Variants in LIMD2 observed in about 807,000 individuals in gnomAD.
LIMD2 encodes LIM domain-containing protein 2.
In LIMD2, 11 loss-of-function variants were observed where a neutral mutation model predicts 16.0. The ratio of observed to expected loss-of-function variants is 0.69; its 90% CI spans 0.43 to 1.14. The LOEUF is 1.14. LIMD2 is among the 50% of genes most tolerant of loss of function. The pLI, the probability that LIMD2 is intolerant of heterozygous loss-of-function variation, is 0.00. For synonymous variants in LIMD2, 60 were observed against 67.1 expected (o/e 0.89, Z 0.52); for missense variants, 168 against 165.8 (o/e 1.01, Z -0.07).
chr17:63,700,267 T>G, upstream of LIMD2: 1 of 551,626 alleles, frequency 1.8e-6, no homozygotes, highest in Non-Finnish European at 2.3e-6. The surrounding 1 kb of genome is among the most constrained non-coding windows in gnomAD (Gnocchi z 7.1). Flanking sequence ...GCGCTTTGTC[T>G]TCCCCTCGCC....
At chr17:63,699,804 T>G in intron 1 of LIMD2, 9 of 210,544 alleles carry the variant, frequency 4.3e-5, no homozygotes, top group Non-Finnish European at 5.3e-5. Flanking sequence ...GCCCCCGACC[T>G]GGCCCCGCGA....
chr17:63,698,368 A>T lies in LIMD2; in HGVS notation c.*184T>A. 1.4e-6 allele frequency: 1 copy of T among 727,932 alleles called. No homozygotes were observed. Among genetic ancestry groups the T allele is most frequent in the Non-Finnish European group, 2.2e-6 (1 of 454,534 alleles). 45.1% of individuals were successfully genotyped at this position (727,932 alleles called of 1,614,324 possible). A position where few individuals can be genotyped will look rare whatever the true frequency, so the allele number is the denominator to read the frequency against. On this transcript the variant is annotated 3_prime_UTR_variant, in exon 5 of 5. Coordinates refer to ENST00000259006, the MANE Select transcript of LIMD2 (RefSeq NM_030576.4). ...CCCCAATCCTGGTTTCCAAACCCTCACCGGCTGCGGGAGAAGGAAGAAGGA... is the reference window on the plus strand; with the variant it reads ...CCCCAATCCTGGTTTCCAAACCCTCTCCGGCTGCGGGAGAAGGAAGAAGGA...
Position 63,699,306 on chromosome 17 carries a change from T to C in LIMD2, c.-8A>G. On this transcript the variant is annotated 5_prime_UTR_variant, in exon 2 of 5. Transcript: ENST00000259006. ...TCCTGCAGCCTGGAACATGGCTCGTTGGAGGTGGAAGCCTCGGGTGGAGAA... is the reference window on the plus strand; with the variant it reads ...TCCTGCAGCCTGGAACATGGCTCGTCGGAGGTGGAAGCCTCGGGTGGAGAA... 6.2e-7 allele frequency: 1 copy of C among 1,605,084 alleles called. No homozygotes were observed. The highest frequency in any genetic ancestry group is 8.5e-7 in the Non-Finnish European group (1 of 1,175,750).
At position 63,698,779 on chromosome 17, in the gene LIMD2, C is replaced by A; in HGVS notation, c.224+20G>T. ...GCTGGGTTGGCAGGCGAGGCGGGGG[C>A]GGGCAGGGCAGGGGCGCACCTGAGC... On this transcript the variant is annotated intron_variant, in intron 4 of 4. Transcript: ENST00000259006. The A allele has an allele frequency of 1.1e-6, 1 of 926,528 alleles. No individual in the cohort carries two copies. Among genetic ancestry groups the A allele is most frequent in the South Asian group, 1.3e-5 (1 of 77,526 alleles). 57.4% of individuals were successfully genotyped at this position (926,528 alleles called of 1,614,324 possible). A position where few individuals can be genotyped will look rare whatever the true frequency, so the allele number is the denominator to read the frequency against.
In LIMD2 at chr17:63,699,292, G is replaced by A. The variant is rs1320613037; in HGVS notation, c.7C>T (p.Gln3Ter). 3 of 1,608,316 alleles carry A rather than the reference G, an allele frequency of 1.9e-6. No homozygotes were observed. The highest frequency in any genetic ancestry group is 2.2e-5 in the East Asian group (1 of 44,768). ...GTGGCCTGGGCGGCTCCTGCAGCCT[G>A]GAACATGGCTCGTTGGAGGTGGAAG... is the stretch of plus-strand genomic sequence containing the variant. MF[Q>*]AAGAAQATPS... Residue 3 changes from glutamine (Q) to a stop codon, truncating the protein, a stop_gained, in exon 2 of 5, where the codon CAG (glutamine) becomes TAG (stop). Transcript: ENST00000259006. LOFTEE classifies it high-confidence loss of function.
upstream of LIMD2, chr17:63,700,679 G>T (rs2035772019): frequency 6.6e-6 from 1 of 150,384 alleles, no homozygotes; most frequent in Non-Finnish European, 1.5e-5. This position sits in a 1 kb window ranked among gnomAD's most constrained non-coding sequence, Gnocchi z 7.1. Context: ...GGGGTCCCTC[G>T]GGCGGCCGAG....
intron 3 of LIMD2, 39 bp downstream of exon 3, chr17:63,698,989 C>T (rs1378334228): frequency 6.2e-7 from 1 of 1,610,416 alleles, no homozygotes; most frequent in Non-Finnish European, 8.5e-7. Flanking sequence ...CCCGCTCCCT[C>T]ACACCCCTCC....
At chr17:63,700,916 C>A (rs538803699), upstream of LIMD2, 1 of 152,228 alleles carries the variant, frequency 6.6e-6, no homozygotes, top group Non-Finnish European at 1.5e-5. The surrounding 1 kb of genome is among the most constrained non-coding windows in gnomAD (Gnocchi z 7.1). Flanking sequence ...CGAGGCTCCA[C>A]GTACTCAAGC....
Position 63,698,231 on chromosome 17 carries a change from G to A in LIMD2, c.*321C>T. The A allele has an allele frequency of 5.6e-6, 2 of 354,030 alleles. No homozygotes were observed. The highest frequency in any genetic ancestry group is 3.3e-5 in the South Asian group (1 of 30,092). The allele number at this position is 354,030 out of a possible 1,614,324, so 21.9% of individuals were successfully genotyped here. ...CCTGAGGGGGGCATGCTGACTCCTT[G>A]CTGGAGAAAAGGCACCTAGATAGGG... On this transcript the variant is annotated 3_prime_UTR_variant, in exon 5 of 5. Coordinates refer to ENST00000259006, the MANE Select transcript of LIMD2 (RefSeq NM_030576.4).
Position 63,698,731 on chromosome 17 carries a change from G to T in LIMD2, c.225-20C>A. 3.1e-6 allele frequency: 5 copies of T among 1,613,242 alleles called. No individual in the cohort carries two copies. The highest frequency in any genetic ancestry group is 4.2e-6 in the Non-Finnish European group (5 of 1,179,912). On this transcript the variant is annotated intron_variant, in intron 4 of 4. Transcript: ENST00000259006. ...CCCAGGCTGCAGAAGCCAAACAACG[G>T]CGTCAGGTCAGGTCAGGTCGGGGCT...
At position 63,698,947 on chromosome 17, in the gene LIMD2, G is replaced by A; in HGVS notation, c.85-9C>T. 6 of 1,612,688 alleles carry A rather than the reference G, an allele frequency of 3.7e-6. No individual in the cohort carries two copies. The highest frequency in any genetic ancestry group is 5.1e-6 in the Non-Finnish European group (6 of 1,179,872). ...GCCCGCAGGCTGAAGGACTGTGCGG[G>A]AAGCTCAGCCAGGTGCTGCCCCAGT... On this transcript the variant is annotated splice_polypyrimidine_tract_variant and intron_variant, in intron 3 of 4. Coordinates refer to ENST00000259006, the MANE Select transcript of LIMD2 (RefSeq NM_030576.4).
Position 63,700,125 on chromosome 17 carries a change from C to T in LIMD2, c.-144G>A, listed in dbSNP as rs2035763629. 2.0e-6 allele frequency: 2 copies of T among 984,616 alleles called. No homozygotes were observed. Among genetic ancestry groups the T allele is most frequent in the African/African-American group, 3.5e-5 (2 of 56,964 alleles). 61.0% of individuals were successfully genotyped at this position (984,616 alleles called of 1,614,324 possible). A position where few individuals can be genotyped will look rare whatever the true frequency, so the allele number is the denominator to read the frequency against. ...GCGAGCTGCTGCCGCTACCAGTGGT[C>T]CCCGAGCCACCGCCGCCGCCACCGC... is the stretch of plus-strand genomic sequence containing the variant. On this transcript the variant is annotated 5_prime_UTR_variant, in exon 1 of 5. Coordinates refer to ENST00000259006, the MANE Select transcript of LIMD2 (RefSeq NM_030576.4). The surrounding 1 kb of genome is among the most constrained non-coding windows in gnomAD (Gnocchi z 7.1).
chr17:63,699,150 G>C (rs958270552), intron 2 of LIMD2, 81 bp from the exon 3 acceptor site: 25 of 1,580,226 alleles, frequency 1.6e-5, no homozygotes, highest in Non-Finnish European at 2.1e-5. Flanking sequence ...CAAGGCCCAG[G>C]GGCGCGCCGC....
Position 63,697,995 on chromosome 17 carries a change from G to C in LIMD2, c.*557C>G. On this transcript the variant is annotated 3_prime_UTR_variant, in exon 5 of 5. Transcript: ENST00000259006. Reference sequence around the variant, plus strand: ...TCGAGATGGTCCCAAGCCCCACTGGGGCAGGCCCTGCCTTGCCCTGCAGAG... The same window carrying C: ...TCGAGATGGTCCCAAGCCCCACTGGCGCAGGCCCTGCCTTGCCCTGCAGAG... 1 of 155,612 alleles carries C rather than the reference G, an allele frequency of 6.4e-6. No homozygotes were observed. Among genetic ancestry groups the C allele is most frequent in the Non-Finnish European group, 1.4e-5 (1 of 69,828 alleles). The allele number at this position is 155,612 out of a possible 1,614,324, so 9.6% of individuals were successfully genotyped here.
upstream of LIMD2, chr17:63,700,319 T>TCCCGGCTCCGCAGCG (rs1380365598): frequency 3.5e-6 from 1 of 289,624 alleles, no homozygotes; most frequent in African/African-American, 2.3e-5. The surrounding 1 kb of genome is among the most constrained non-coding windows in gnomAD (Gnocchi z 7.1). Flanking sequence ...GGCTCCGCGC[T>TCCCGGCTCCGCAGCG]CCCGGCTCCG....
At chr17:63,701,066 C>T (rs901794197), upstream of LIMD2, 8 of 152,268 alleles carry the variant, frequency 5.3e-5, no homozygotes, top group Admixed American at 4.6e-4. Flanking sequence ...CCTGCAGCCG[C>T]ACAGCAGGCC....
Position 63,699,077 on chromosome 17 carries a change from A to G in LIMD2, c.43-8T>C. 6.2e-7 allele frequency: 1 copy of G among 1,600,464 alleles called. No individual in the cohort carries two copies. Among genetic ancestry groups the G allele is most frequent in the African/African-American group, 1.4e-5 (1 of 73,840 alleles). ...GCCGCCGCCTTTGGCGTCCTGAGGG[A>G]GAGGGGCGGTCAGGGCAGGGGCAGC... On this transcript the variant is annotated splice_polypyrimidine_tract_variant and splice_region_variant and intron_variant, in intron 2 of 4. Transcript: ENST00000259006.
chr17:63,698,384 G>A lies in LIMD2; in HGVS notation c.*168C>T. On this transcript the variant is annotated 3_prime_UTR_variant, in exon 5 of 5. Transcript: ENST00000259006. ...CAAACCCTCACCGGCTGCGGGAGAA[G>A]GAAGAAGGAAGGAGTCCTGGAGCAG... is the stretch of plus-strand genomic sequence containing the variant. 5 of 777,936 alleles carry A rather than the reference G, an allele frequency of 6.4e-6. No homozygotes were observed. The highest frequency in any genetic ancestry group is 1.8e-5 in the African/African-American group (1 of 57,140). The allele number at this position is 777,936 out of a possible 1,614,324, so 48.2% of individuals were successfully genotyped here.
intron 2 of LIMD2, 33 bp from the exon 3 acceptor site, chr17:63,699,102 C>T (rs753845208): frequency 3.1e-6 from 5 of 1,588,548 alleles, no homozygotes; most frequent in Admixed American, 1.8e-5. Flanking sequence ...GCAGGGGCAG[C>T]TCCGGGAGGC....
Sources: allele counts gnomAD v4.1 joint callset, GRCh38; gene constraint gnomAD v4.1.1; non-coding constraint Gnocchi (gnomAD v3.1); transcripts MANE v1.5; gene names NCBI Gene and HGNC (gene_info 2026-07-23, HGNC 2026-07-21).